GDAP1: variants seen among roughly 807,000 people sequenced by gnomAD.
The protein encoded by GDAP1 is ganglioside-induced differentiation-associated protein 1.
Under a neutral mutation model 40.1 loss-of-function variants are expected in GDAP1, and 34 were observed. That is an observed-to-expected ratio of 0.85 (90% confidence interval 0.64 to 1.13). The LOEUF (loss-of-function observed/expected upper bound fraction) is 1.13, where lower values mean the gene tolerates loss of function less well. Among genes scored for constraint, GDAP1 ranks in the 50% most tolerant of loss-of-function variants. GDAP1 has a pLI of 0.00. For synonymous variants in GDAP1, 170 were observed against 157.4 expected, an observed-to-expected ratio of 1.08 and a Z score of -0.60; for missense variants, 374 against 433.7, an observed-to-expected ratio of 0.86 and a Z score of 1.22.
At chr8:74,447,998 A>G (rs1193235414) in intron 2 of GDAP1, among the ~76,000 whole-genome samples, 7 of 152,206 alleles carry the variant, frequency 4.6e-5, no homozygotes, top group Non-Finnish European at 1.0e-4. Flanking sequence ...TGGATAAGGG[A>G]TATTCAACCT....
At chr8:74,470,461 T>G (rs1350184704) in intron 2 of GDAP1, among the ~76,000 whole-genome samples, 1 of 152,080 alleles carries the variant, frequency 6.6e-6, no homozygotes, top group African/African-American at 2.4e-5. Flanking sequence ...TGTCCATGTG[T>G]TCTCATTGTT....
At chr8:74,393,389 A>C (rs1180819800) in intron 2 of GDAP1, among the ~76,000 whole-genome samples, 1 of 152,190 alleles carries the variant, frequency 6.6e-6, no homozygotes, top group Non-Finnish European at 1.5e-5. Context: ...AGTTTAGGAT[A>C]AGGAATGATG....
At chr8:74,433,021 T>A (rs1323662114) in intron 2 of GDAP1, among the ~76,000 whole-genome samples, 1 of 152,198 alleles carries the variant, frequency 6.6e-6, no homozygotes, top group Admixed American at 6.5e-5. Context: ...CATAGGCAAT[T>A]ATATTCTTCA....
chr8:74,383,387 T>C (rs772106150), intron 2 of GDAP1, among the ~76,000 whole-genome samples: 2 of 152,214 alleles, frequency 1.3e-5, no homozygotes, highest in African/African-American at 4.8e-5. Context: ...TGCATTCCAC[T>C]GAAATTGTAT....
chr8:74,483,564 A>G (rs911836773), intron 2 of GDAP1, among the ~76,000 whole-genome samples: 1 of 152,154 alleles, frequency 6.6e-6, no homozygotes, highest in Admixed American at 6.5e-5. Context: ...CAAAGAAGTC[A>G]TCTTTTATAG....
intron 2 of GDAP1, among the ~76,000 whole-genome samples, chr8:74,484,522 AAGG>A (rs1806751469): frequency 6.6e-6 from 1 of 152,204 alleles, no homozygotes; most frequent in South Asian, 2.1e-4. Flanking sequence ...GCTATGAAAG[AAGG>A]AGAAGATTTC....
At position 74,411,524 on chromosome 8, in the gene GDAP1, A is replaced by AATATATAT. The variant is rs57240234; in HGVS notation, c.165+60217_165+60224dup. ...ACTAGTATTTACTATTTATTAAGCA[A>AATATATAT]ATATATATATATATATATATACACA... On this transcript the variant is annotated intron_variant, in intron 2 of 2. Transcript: ENST00000523640. 1.3e-4 allele frequency among the ~76,000 whole-genome samples: 19 copies of AATATATAT among 143,226 alleles called. 1 individual carries two copies. Among genetic ancestry groups the AATATATAT allele is most frequent in the African/African-American group, 5.2e-4 (19 of 36,246 alleles). The allele number at this position is 143,226 out of a possible 152,430, so 94.0% of individuals were successfully genotyped here.
chr8:74,422,140 T>C (rs1563465035), intron 2 of GDAP1, among the ~76,000 whole-genome samples: 1 of 151,984 alleles, frequency 6.6e-6, no homozygotes, highest in Non-Finnish European at 1.5e-5. Flanking sequence ...TTCATTTTCT[T>C]TCTTTCCTTC....
chr8:74,448,809 C>G (rs149401956), intron 2 of GDAP1, among the ~76,000 whole-genome samples: 1 of 151,912 alleles, frequency 6.6e-6, no homozygotes, highest in Non-Finnish European at 1.5e-5. Flanking sequence ...GTTTTTTGGT[C>G]AGATATATGC....
At position 74,356,716 on chromosome 8, in the gene GDAP1, A is replaced by ATATATATATTTTTTTTTTTTT. The variant is rs375377157; in HGVS notation, c.311-3420_311-3419insATATATATTTTTTTTTTTTTT. ...TTTGTGTGTGTGTATATATATATAT[A>ATATATATATTTTTTTTTTTTT]TTTTTTTTTTTTTTTTTGAGACGGA... is the stretch of plus-strand genomic sequence containing the variant. On this transcript the variant is annotated intron_variant, in intron 2 of 5. Coordinates refer to ENST00000220822, the MANE Select transcript of GDAP1 (RefSeq NM_018972.4). 6.3e-4 allele frequency among the ~76,000 whole-genome samples: 66 copies of ATATATATATTTTTTTTTTTTT among 104,306 alleles called. 1 individual carries two copies. The highest frequency in any genetic ancestry group is 6.9e-3 in the Middle Eastern group (1 of 144). The allele number at this position is 104,306 out of a possible 152,430, so 68.4% of individuals were successfully genotyped here. A position where few individuals can be genotyped will look rare whatever the true frequency, so the allele number is the denominator to read the frequency against.
chr8:74,478,676 T>C (rs1354766533), intron 2 of GDAP1, among the ~76,000 whole-genome samples: 1 of 152,142 alleles, frequency 6.6e-6, no homozygotes, highest in African/African-American at 2.4e-5. Context: ...GGGGAATGGG[T>C]GTCCCTGGCT....
chr8:74,464,319 A>G (rs1806440471), intron 2 of GDAP1, among the ~76,000 whole-genome samples: 1 of 152,212 alleles, frequency 6.6e-6, no homozygotes, highest in African/African-American at 2.4e-5. Flanking sequence ...TGGTGACTTG[A>G]TAAGTTGTAG....
chr8:74,474,166 T>C (rs1806596425), intron 2 of GDAP1, among the ~76,000 whole-genome samples: 1 of 152,172 alleles, frequency 6.6e-6, no homozygotes, highest in South Asian at 2.1e-4. Context: ...TTGCTGAAGT[T>C]TTTTATCAGC....
chr8:74,436,524 G>C (rs1806090649), intron 2 of GDAP1, among the ~76,000 whole-genome samples: 1 of 149,974 alleles, frequency 6.7e-6, no homozygotes, highest in Non-Finnish European at 1.5e-5. Flanking sequence ...CCTGGTTCAA[G>C]TGATTCCCCT....
intron 2 of GDAP1, among the ~76,000 whole-genome samples, chr8:74,417,255 G>C (rs915769801): frequency 1.3e-5 from 2 of 150,008 alleles, no homozygotes; most frequent in Non-Finnish European, 2.9e-5. Context: ...TCCTCGACTT[G>C]ATAAACAGAA....
chr8:74,422,352 C>CTTTCCTTCCTTCCTTCCTT (rs1563465558), intron 2 of GDAP1, among the ~76,000 whole-genome samples: 3 of 34,226 alleles, frequency 8.8e-5, no homozygotes, highest in Admixed American at 3.3e-4. Context: ...TTTCTTTCTT[C>CTTTCCTTCCTTCCTTCCTT]CCTTCCTTCC....
At chr8:74,399,158 G>A (rs560526460) in intron 2 of GDAP1, among the ~76,000 whole-genome samples, 14 of 152,076 alleles carry the variant, frequency 9.2e-5, no homozygotes, top group Middle Eastern at 3.4e-3. Context: ...GGTTGAATTC[G>A]GCTGTCAATC....
chr8:74,353,684 A>C (rs146823545), intron 2 of GDAP1, among the ~76,000 whole-genome samples: 60 of 152,300 alleles, frequency 3.9e-4, no homozygotes, highest in African/African-American at 1.1e-3. Context: ...AGCTTGTTAG[A>C]ACTGCAGAAC....
At chr8:74,407,523 C>T (rs1805657033) in intron 2 of GDAP1, among the ~76,000 whole-genome samples, 1 of 149,738 alleles carries the variant, frequency 6.7e-6, no homozygotes, top group Admixed American at 6.6e-5. Context: ...TGCCCTTGAA[C>T]ATCAGACTCC....
Sources: allele counts gnomAD v4.1 joint callset (sites outside exome capture counted in the v4.1 genomes callset), GRCh38; gene constraint gnomAD v4.1.1; transcripts MANE v1.5; gene names NCBI Gene and HGNC (gene_info 2026-07-23, HGNC 2026-07-21).